The following PRICKLE1 variants were observed in gnomAD, a reference collection of about 807,000 sequenced individuals.
PRICKLE1 encodes the protein prickle-like protein 1.
PRICKLE1 carries 14 observed loss-of-function variants against 70.2 expected under a neutral mutation model. That is an observed-to-expected ratio of 0.20 (90% CI 0.13 to 0.31). The LOEUF (loss-of-function observed/expected upper bound fraction) is 0.31, where lower values mean the gene tolerates loss of function less well. Among genes scored for constraint, PRICKLE1 ranks in the 10% least tolerant of loss-of-function variants. PRICKLE1 has a pLI of 1.00. For missense variants in PRICKLE1, 821 were observed against 1,026.2 expected (o/e 0.80, Z 2.73); for synonymous variants, 357 against 379.9 (o/e 0.94, Z 0.70).
At chr12:42,588,322 G>T (rs1041022470) in intron 1 of PRICKLE1, among the ~76,000 whole-genome samples, 2 of 152,296 alleles carry the variant, frequency 1.3e-5, no homozygotes, top group African/African-American at 4.8e-5. Context: ...GCCTTCCAAA[G>T]TACTGATTAA....
Position 42,473,592 on chromosome 12 carries a change from A to G in PRICKLE1, c.-48-1028T>C, listed in dbSNP as rs140228435. Among the ~76,000 whole-genome samples the G allele has an allele frequency of 4.5e-3, 689 of 152,322 alleles. 16 individuals are homozygous for G. The highest frequency in any genetic ancestry group is 0.027 in the Admixed American group (417 of 15,302). On this transcript the variant is annotated intron_variant, in intron 1 of 7. Coordinates refer to ENST00000345127, the MANE Select transcript of PRICKLE1 (RefSeq NM_153026.3). The stretch of plus-strand genomic sequence containing the variant: ...GCAGAACTTTCAGAACCAGATGGAG[A>G]GATGGAGCTTTTTTATACCTGGGCC...
intron 1 of PRICKLE1, among the ~76,000 whole-genome samples, chr12:42,499,673 G>A (rs1052416511): frequency 3.3e-5 from 5 of 151,422 alleles, no homozygotes; most frequent in African/African-American, 4.9e-5. Context: ...CATCCACCAC[G>A]GCCTCCCAAA....
At chr12:42,559,285 A>G (rs1158932421) in intron 1 of PRICKLE1, among the ~76,000 whole-genome samples, 2 of 152,190 alleles carry the variant, frequency 1.3e-5, no homozygotes, top group African/African-American at 4.8e-5. Context: ...TGATGTCAAG[A>G]TGCTTAACTG....
intron 1 of PRICKLE1, among the ~76,000 whole-genome samples, chr12:42,491,181 C>T (rs1421283079): frequency 6.6e-6 from 1 of 151,732 alleles, no homozygotes; most frequent in Admixed American, 6.6e-5. Flanking sequence ...GGCTTCTAAG[C>T]TCAAACTTTA....
At chr12:42,502,855 C>A (rs1241576540) in intron 1 of PRICKLE1, among the ~76,000 whole-genome samples, 1 of 152,176 alleles carries the variant, frequency 6.6e-6, no homozygotes, top group East Asian at 1.9e-4. Context: ...TAACAAACCA[C>A]ATGTTGCTTT....
intron 1 of PRICKLE1, among the ~76,000 whole-genome samples, chr12:42,537,430 G>A (rs578003509): frequency 6.6e-6 from 1 of 152,278 alleles, no homozygotes; most frequent in East Asian, 1.9e-4. Context: ...CTCCCAAAGT[G>A]CTGGTATTAT....
intron 1 of PRICKLE1, among the ~76,000 whole-genome samples, chr12:42,495,630 G>A (rs1939186101): frequency 2.0e-5 from 3 of 150,212 alleles, no homozygotes; most frequent in Non-Finnish European, 1.5e-5. Context: ...TCGCTCTGTC[G>A]CCAGGCTGGG....
At chr12:42,553,994 CTGGGG>C (rs764916707) in intron 1 of PRICKLE1, among the ~76,000 whole-genome samples, 58 of 152,138 alleles carry the variant, frequency 3.8e-4, no homozygotes, top group Non-Finnish European at 7.9e-4. Flanking sequence ...ATCCCAGCTA[CTGGGG>C]AGGCTGAGGC....
chr12:42,529,953 C>CCT (rs1939880157), intron 1 of PRICKLE1, among the ~76,000 whole-genome samples: 1 of 142,992 alleles, frequency 7.0e-6, no homozygotes, highest in African/African-American at 2.6e-5. Context: ...TCCTTCCTTC[C>CCT]TTTTTTTTTT....
At chr12:42,460,744 G>A (rs1257320669) in intron 7 of PRICKLE1, 79 bp from the exon 8 acceptor site, 1 of 1,526,380 alleles carries the variant, frequency 6.6e-7, no homozygotes. Flanking sequence ...CTACTGAAAG[G>A]AAATATTTCA....
intron 1 of PRICKLE1, among the ~76,000 whole-genome samples, chr12:42,560,766 TCTCACACACACACACACACACACA>T (rs747168414): frequency 0.17 from 20,794 of 119,288 alleles, 1,549 homozygotes; most frequent in African/African-American, 0.19. Flanking sequence ...AAGCCCATCT[TCTCACACACACACACACACACACA>T]CACACACACA....
In PRICKLE1 at chr12:42,460,358, C is replaced by G; in HGVS notation, c.1947G>C (p.Gln649His). Reference sequence around the variant, plus strand: ...TCCGAGTCCTTTCACTCATCGGAGGCTGCCGGATTTCAATGTCATAGTTCC... The same window carrying G: ...TCCGAGTCCTTTCACTCATCGGAGGGTGCCGGATTTCAATGTCATAGTTCC... The part of the protein sequence containing the change: ...DNGNYDIEIR[Q>H]PPMSERTRRR... The change falls in exon 8 of 8, where the codon CAG (glutamine) becomes CAC (histidine). Residue 649 changes from glutamine to histidine, a missense_variant. Coordinates refer to ENST00000345127, the MANE Select transcript of PRICKLE1 (RefSeq NM_153026.3). 1 of 1,614,136 alleles carries G rather than the reference C, an allele frequency of 6.2e-7. No individual in the cohort carries two copies. Among genetic ancestry groups the G allele is most frequent in the Non-Finnish European group, 8.5e-7 (1 of 1,180,040 alleles).
At chr12:42,581,644 G>C (rs1940902148) in intron 1 of PRICKLE1, among the ~76,000 whole-genome samples, 1 of 151,952 alleles carries the variant, frequency 6.6e-6, no homozygotes, top group Admixed American at 6.6e-5. Flanking sequence ...CTACTTGGGA[G>C]GCTGAGACAG....
At chr12:42,555,251 T>A (rs909765946) in intron 1 of PRICKLE1, among the ~76,000 whole-genome samples, 2 of 151,928 alleles carry the variant, frequency 1.3e-5, no homozygotes, top group African/African-American at 4.8e-5. Context: ...TTGTAGTGAG[T>A]CGAGATCACG....
chr12:42,588,210 C>A (rs1471059052), intron 1 of PRICKLE1, among the ~76,000 whole-genome samples: 1 of 152,144 alleles, frequency 6.6e-6, no homozygotes, highest in African/African-American at 2.4e-5. Flanking sequence ...ACACCTTGGG[C>A]CTGTCTGAAA....
At position 42,458,150 on chromosome 12, in the gene PRICKLE1, A is replaced by G. The variant is rs967364064; in HGVS notation, c.*1659T>C. On this transcript the variant is annotated 3_prime_UTR_variant, in exon 8 of 8. Coordinates refer to ENST00000345127, the MANE Select transcript of PRICKLE1 (RefSeq NM_153026.3). The stretch of plus-strand genomic sequence containing the variant: ...TTGTGTCTGTCCTCCCTAAGGCCAA[A>G]TTTTCCCCACTCCAGTCTATATGGA... The G allele has an allele frequency of 6.6e-6, 1 of 152,042 alleles. No individual in the cohort carries two copies. Among genetic ancestry groups the G allele is most frequent in the South Asian group, 2.1e-4 (1 of 4,814 alleles). The allele number at this position is 152,042 out of a possible 1,614,324, so 9.4% of individuals were successfully genotyped here.
chr12:42,588,148 C>T (rs965363854), intron 1 of PRICKLE1, among the ~76,000 whole-genome samples: 1 of 152,196 alleles, frequency 6.6e-6, no homozygotes, highest in East Asian at 1.9e-4. Flanking sequence ...AACAGCTGAG[C>T]TCACACATCT....
intron 1 of PRICKLE1, among the ~76,000 whole-genome samples, chr12:42,499,420 A>G (rs1022470358): frequency 1.3e-5 from 2 of 149,752 alleles, no homozygotes; most frequent in Admixed American, 1.4e-4. Flanking sequence ...AGTAGAATAA[A>G]TCTAGAATTT....
At chr12:42,505,764 C>T (rs1939397032) in intron 1 of PRICKLE1, among the ~76,000 whole-genome samples, 2 of 152,164 alleles carry the variant, frequency 1.3e-5, no homozygotes, top group African/African-American at 4.8e-5. Flanking sequence ...TGTGCTCCAA[C>T]AGCAATTGAT....
Sources: allele counts gnomAD v4.1 joint callset (sites outside exome capture counted in the v4.1 genomes callset), GRCh38; gene constraint gnomAD v4.1.1; transcripts MANE v1.5; gene names NCBI Gene and HGNC (gene_info 2026-07-23, HGNC 2026-07-21).